USP10: variants seen among roughly 807,000 people sequenced by gnomAD.
The protein encoded by USP10 is ubiquitin carboxyl-terminal hydrolase 10.
USP10 carries 22 observed loss-of-function variants against 84.5 expected under a neutral mutation model. The observed-to-expected ratio is 0.26, with a 90% CI of 0.19 to 0.37. The LOEUF is 0.37. Ranked by LOEUF, USP10 falls within the 10% of genes least tolerant of loss-of-function variation. The pLI, the probability that USP10 is intolerant of heterozygous loss-of-function variation, is 1.00. For missense variants in USP10, 1,019 were observed against 998.9 expected (o/e 1.02, Z -0.27); for synonymous variants, 454 against 387.6 (o/e 1.17, Z -2.01).
At position 84,745,282 on chromosome 16, in the gene USP10, A is replaced by T; in HGVS notation, c.801A>T (p.Thr267=). ...AEAGRDTLSR[T]AGAQPCVGTD... ...CTGGCAGAGACACCCTGTCAAGGAC[A>T]GCTGGGGCTCAGCCCTGCGTTGGTA... The change falls in exon 4 of 14, where the codon ACA becomes ACT. Residue 267 remains threonine, a synonymous_variant. Transcript: ENST00000219473. The T allele has an allele frequency of 6.2e-7, 1 of 1,613,402 alleles. No individual in the cohort carries two copies. The highest frequency in any genetic ancestry group is 1.3e-5 in the African/African-American group (1 of 75,064).
In USP10 at chr16:84,753,466, C is replaced by CCATGA. The variant is rs200805483; in HGVS notation, c.1193-5249_1193-5248insATGAC. 2.2e-4 allele frequency among the ~76,000 whole-genome samples: 33 copies of CCATGA among 152,270 alleles called. No individual in the cohort carries two copies. In the East Asian group the frequency reaches 5.0e-3, roughly 23 times the overall value. Reference sequence around the variant, plus strand: ...GATTCTGATGTCTGTATTGAGCTGGCCGTCATGCCGGGAGTGGTCTGCTTA... The same window carrying CCATGA: ...GATTCTGATGTCTGTATTGAGCTGGCCATGACGTCATGCCGGGAGTGGTCTGCTTA... On this transcript the variant is annotated intron_variant, in intron 4 of 13. Coordinates refer to ENST00000219473, the MANE Select transcript of USP10 (RefSeq NM_005153.3).
intron 13 of USP10, among the ~76,000 whole-genome samples, chr16:84,776,824 T>C (rs1423113487): frequency 6.6e-6 from 1 of 152,158 alleles, no homozygotes; most frequent in Non-Finnish European, 1.5e-5. Context: ...TAACCCATTA[T>C]TTTTTTGAGA....
At chr16:84,700,337 G>T (rs1904682395) in intron 1 of USP10, among the ~76,000 whole-genome samples, 1 of 152,036 alleles carries the variant, frequency 6.6e-6, no homozygotes, top group Non-Finnish European at 1.5e-5. Flanking sequence ...AGGTCGAAGG[G>T]CGGGGGCTCC....
intron 10 of USP10, among the ~76,000 whole-genome samples, chr16:84,767,679 T>C (rs1914009716): frequency 6.6e-6 from 1 of 152,212 alleles, no homozygotes; most frequent in South Asian, 2.1e-4. Context: ...AAATGAAATA[T>C]GTTTTCTTCC....
chr16:84,735,530 T>G (rs1402100184), intron 2 of USP10, among the ~76,000 whole-genome samples: 1 of 152,226 alleles, frequency 6.6e-6, no homozygotes, highest in Non-Finnish European at 1.5e-5. Context: ...CTCTTTCTTT[T>G]GTTTTTTAAA....
At chr16:84,727,332 C>A (rs918591989) in intron 1 of USP10, among the ~76,000 whole-genome samples, 5 of 152,108 alleles carry the variant, frequency 3.3e-5, no homozygotes, top group Non-Finnish European at 7.4e-5. Flanking sequence ...CTACAATTTT[C>A]CCCCCTCATG....
chr16:84,770,431 A>G (rs1914308720), intron 11 of USP10, among the ~76,000 whole-genome samples: 2 of 152,148 alleles, frequency 1.3e-5, no homozygotes, highest in Middle Eastern at 3.2e-3. Context: ...GATTATATGA[A>G]ATATTTGCTA....
At chr16:84,776,315 G>T (rs1239898384) in intron 13 of USP10, among the ~76,000 whole-genome samples, 1 of 129,034 alleles carries the variant, frequency 7.7e-6, no homozygotes, top group Admixed American at 7.6e-5. Context: ...CTAGCGGTGG[G>T]GGCCCAGGGG....
intron 4 of USP10, among the ~76,000 whole-genome samples, chr16:84,751,151 G>A (rs528117351): frequency 2.6e-4 from 39 of 152,330 alleles, no homozygotes; most frequent in Middle Eastern, 3.4e-3. Flanking sequence ...GTTGCCTACG[G>A]TATTCAGTAC....
intron 1 of USP10, among the ~76,000 whole-genome samples, chr16:84,707,358 T>C (rs934803850): frequency 3.3e-5 from 5 of 152,230 alleles, no homozygotes; most frequent in Non-Finnish European, 7.3e-5. Flanking sequence ...GTGGGGTACA[T>C]TTTAATAAAG....
At chr16:84,709,569 C>G (rs975434701) in intron 1 of USP10, among the ~76,000 whole-genome samples, 13 of 151,906 alleles carry the variant, frequency 8.6e-5, no homozygotes, top group Admixed American at 2.6e-4. Flanking sequence ...CTCACGGGGT[C>G]GCAGTGGCCA....
chr16:84,767,404 G>T (rs1050526892), intron 10 of USP10, among the ~76,000 whole-genome samples: 1 of 152,178 alleles, frequency 6.6e-6, no homozygotes, highest in Non-Finnish European at 1.5e-5. Flanking sequence ...TCTTGGAAGG[G>T]TGGCAGCCTT....
intron 11 of USP10, among the ~76,000 whole-genome samples, chr16:84,769,663 A>T (rs1020174592): frequency 4.6e-5 from 7 of 151,970 alleles, no homozygotes; most frequent in Non-Finnish European, 8.8e-5. Flanking sequence ...CTGCTGGTGC[A>T]CTCTGCTTAT....
chr16:84,728,204 TAAACTTTTTGGTGTCAC>T (rs1228936061), intron 1 of USP10, among the ~76,000 whole-genome samples: 1 of 152,234 alleles, frequency 6.6e-6, no homozygotes, highest in Non-Finnish European at 1.5e-5. Context: ...ATTTCTGTGA[TAAACTTTTTGGTGTCAC>T]AAACATGCCT....
intron 12 of USP10, among the ~76,000 whole-genome samples, chr16:84,774,497 T>TCGAGACAGAG (rs1555550282): frequency 2.6e-4 from 39 of 150,342 alleles, no homozygotes; most frequent in African/African-American, 7.3e-4. Context: ...GTTTGTTTTT[T>TCGAGACAGAG]TCTTGCTCTG....
At chr16:84,709,602 G>C (rs1441911007) in intron 1 of USP10, among the ~76,000 whole-genome samples, 1 of 152,118 alleles carries the variant, frequency 6.6e-6, no homozygotes, top group Admixed American at 6.5e-5. Flanking sequence ...TTAGGGCAGG[G>C]TCCTTGGACT....
chr16:84,715,342 G>A (rs1906874295), intron 1 of USP10, among the ~76,000 whole-genome samples: 1 of 152,234 alleles, frequency 6.6e-6, no homozygotes, highest in Non-Finnish European at 1.5e-5. Context: ...GTGTATAATG[G>A]ATAGCTAAGG....
chr16:84,773,977 C>T (rs1377575679), intron 12 of USP10, among the ~76,000 whole-genome samples: 1 of 152,168 alleles, frequency 6.6e-6, no homozygotes, highest in Non-Finnish European at 1.5e-5. Context: ...GGGCTGGGCG[C>T]AGTGGCTCAC....
At chr16:84,774,531 C>T (rs959980821) in intron 12 of USP10, among the ~76,000 whole-genome samples, 18 of 151,704 alleles carry the variant, frequency 1.2e-4, no homozygotes, top group South Asian at 4.2e-4. Context: ...AGTGCAGTGG[C>T]GCGATCTCGG....
Sources: allele counts gnomAD v4.1 joint callset (sites outside exome capture counted in the v4.1 genomes callset), GRCh38; gene constraint gnomAD v4.1.1; transcripts MANE v1.5; gene names NCBI Gene and HGNC (gene_info 2026-07-23, HGNC 2026-07-21).